Variants in TBCK observed in about 807,000 individuals in gnomAD.
TBCK encodes the protein TBC domain-containing protein kinase-like protein.
TBCK carries 99 observed loss-of-function variants against 113.4 expected under a neutral mutation model. The ratio of observed to expected loss-of-function variants is 0.87; its 90% CI spans 0.74 to 1.03. The LOEUF (loss-of-function observed/expected upper bound fraction) is 1.03, where lower values mean the gene tolerates loss of function less well. Among genes scored for constraint, TBCK ranks in the 50% least tolerant of loss-of-function variants. The pLI, the probability that TBCK is intolerant of heterozygous loss-of-function variation, is 0.00. For synonymous variants in TBCK, 369 were observed against 370.8 expected (o/e 1.00, Z 0.05); for missense variants, 1,045 against 1,061.3 (o/e 0.98, Z 0.21).
chr4:106,217,291 C>T (rs1757067684), intron 19 of TBCK, among the ~76,000 whole-genome samples: 1 of 152,070 alleles, frequency 6.6e-6, no homozygotes, highest in South Asian at 2.1e-4. Flanking sequence ...GGAAGCATTC[C>T]CTTTGAAAAC....
intron 3 of TBCK, among the ~76,000 whole-genome samples, chr4:106,286,041 G>C (rs895539216): frequency 5.3e-5 from 8 of 152,056 alleles, no homozygotes; most frequent in African/African-American, 4.8e-5. Flanking sequence ...GAACCTAAAA[G>C]GATCATTCCT....
intron 23 of TBCK, among the ~76,000 whole-genome samples, chr4:106,169,563 T>C (rs1373123111): frequency 6.6e-6 from 1 of 152,086 alleles, no homozygotes; most frequent in African/African-American, 2.4e-5. Flanking sequence ...CAAGCTATCT[T>C]ACAGGTCATC....
chr4:106,258,754 A>G (rs1414428631), intron 5 of TBCK, among the ~76,000 whole-genome samples: 1 of 151,994 alleles, frequency 6.6e-6, no homozygotes, highest in Admixed American at 6.5e-5. Flanking sequence ...CTTGTACTAC[A>G]GCTACTTAAA....
chr4:106,199,910 C>T (rs1412560234), intron 20 of TBCK, among the ~76,000 whole-genome samples: 5 of 152,194 alleles, frequency 3.3e-5, no homozygotes, highest in Non-Finnish European at 7.4e-5. Flanking sequence ...AGCATAGCAG[C>T]CAGAATGACC....
At chr4:106,210,516 T>C (rs886525619) in intron 20 of TBCK, among the ~76,000 whole-genome samples, 1 of 152,080 alleles carries the variant, frequency 6.6e-6, no homozygotes, top group Admixed American at 6.5e-5. Context: ...ATCTGAAAGG[T>C]TCCCTGACTT....
intron 19 of TBCK, among the ~76,000 whole-genome samples, chr4:106,218,704 A>C (rs1306026577): frequency 3.4e-5 from 4 of 118,834 alleles, no homozygotes; most frequent in South Asian, 3.3e-4. Context: ...GGCGATCATT[A>C]AAAAGTCAGG....
At chr4:106,077,382 G>A (rs373896484) in intron 25 of TBCK, among the ~76,000 whole-genome samples, 44 of 152,212 alleles carry the variant, frequency 2.9e-4, no homozygotes, top group East Asian at 1.4e-3. Context: ...GTGTCAAGGC[G>A]GATAAAGAAG....
At chr4:106,198,344 G>T (rs1349845497) in intron 20 of TBCK, among the ~76,000 whole-genome samples, 2 of 152,084 alleles carry the variant, frequency 1.3e-5, no homozygotes, top group Non-Finnish European at 2.9e-5. Flanking sequence ...ATTTAAAGTA[G>T]TATTATTATT....
Position 106,251,912 on chromosome 4 carries a change from T to C in TBCK, c.551A>G (p.Lys184Arg), listed in dbSNP as rs772602911. The C allele has an allele frequency of 1.2e-6, 2 of 1,611,354 alleles. No individual in the cohort carries two copies. Among genetic ancestry groups the C allele is most frequent in the Non-Finnish European group, 1.7e-6 (2 of 1,178,222 alleles). Residue 184 changes from lysine to arginine, a missense_variant, in exon 6 of 26, where the codon AAA (lysine) becomes AGA (arginine). Physicochemically the swap from Lys to Arg is conservative, Grantham distance 26. Coordinates refer to ENST00000394708, the MANE Select transcript of TBCK (RefSeq NM_001163435.3). The part of the protein sequence containing the change: ...PSKKPLPSGP[K>R]SDVWSLGIIL... Reference sequence around the variant, plus strand: ...GATTCCAAGAGACCATACATCTGATTTGGGGCCAGAAGGCAATGGTTTTTT... The same window carrying C: ...GATTCCAAGAGACCATACATCTGATCTGGGGCCAGAAGGCAATGGTTTTTT...
chr4:106,280,366 C>A (rs1486812191), intron 3 of TBCK, among the ~76,000 whole-genome samples: 2 of 152,060 alleles, frequency 1.3e-5, no homozygotes, highest in Non-Finnish European at 2.9e-5. Context: ...TATTTATTCC[C>A]AATCTGTGAG....
chr4:106,082,561 T>C (rs1320181281), intron 25 of TBCK, among the ~76,000 whole-genome samples: 1 of 151,692 alleles, frequency 6.6e-6, no homozygotes. Context: ...TTAACAAACC[T>C]GTACATGTAC....
At chr4:106,304,809 T>A (rs570750177) in intron 2 of TBCK, among the ~76,000 whole-genome samples, 1 of 152,158 alleles carries the variant, frequency 6.6e-6, no homozygotes, top group South Asian at 2.1e-4. Context: ...TAAATTCCAT[T>A]TGGAAATTAT....
At chr4:106,108,127 C>CA (rs973943009) in intron 24 of TBCK, among the ~76,000 whole-genome samples, 13 of 151,560 alleles carry the variant, frequency 8.6e-5, no homozygotes, top group East Asian at 7.7e-4. Context: ...GCCTACCAAC[C>CA]AAAAAAAACC....
chr4:106,155,459 G>A (rs181065667), intron 23 of TBCK, among the ~76,000 whole-genome samples: 1 of 152,036 alleles, frequency 6.6e-6, no homozygotes, highest in Non-Finnish European at 1.5e-5. Flanking sequence ...ATTCAAAGGG[G>A]TAATAACTTT....
intron 12 of TBCK, 58 bp downstream of exon 12, chr4:106,242,412 G>C: frequency 6.1e-6 from 8 of 1,307,134 alleles, no homozygotes; most frequent in Non-Finnish European, 7.4e-6. Flanking sequence ...TTGTGTATCT[G>C]TAAGGTTTTA....
intron 24 of TBCK, among the ~76,000 whole-genome samples, chr4:106,107,029 T>A (rs56053435): frequency 0.23 from 34,698 of 150,606 alleles, 4,004 homozygotes; most frequent in South Asian, 0.27. Context: ...AACAACGATT[T>A]AAAAAAAAAG....
intron 25 of TBCK, among the ~76,000 whole-genome samples, chr4:106,053,526 T>C (rs974246122): frequency 6.6e-6 from 1 of 151,666 alleles, no homozygotes; most frequent in Non-Finnish European, 1.5e-5. Context: ...TATCTTATCT[T>C]TTTGACTTCG....
intron 25 of TBCK, among the ~76,000 whole-genome samples, chr4:106,074,759 G>T (rs573704245): frequency 6.6e-6 from 1 of 152,260 alleles, no homozygotes; most frequent in African/African-American, 2.4e-5. Context: ...AGTTACCTGG[G>T]GCTAGCAAAA....
intron 23 of TBCK, among the ~76,000 whole-genome samples, chr4:106,150,573 T>C (rs1395193881): frequency 4.6e-5 from 7 of 152,024 alleles, no homozygotes; most frequent in Non-Finnish European, 8.8e-5. Flanking sequence ...GAGTAAAACA[T>C]TAGCTGGAAT....
Sources: gnomAD v4.1 joint callset for allele counts (sites outside exome capture counted in the v4.1 genomes callset) on GRCh38, gnomAD v4.1.1 for gene constraint, MANE v1.5 for transcripts, NCBI Gene and HGNC (gene_info 2026-07-23, HGNC 2026-07-21) for gene names.